The following EFCAB6 variants were observed in gnomAD, a reference collection of about 807,000 sequenced individuals.
The protein encoded by EFCAB6 is EF-hand calcium-binding domain-containing protein 6.
In EFCAB6, 156 loss-of-function variants were observed where a neutral mutation model predicts 169.8. The observed-to-expected ratio is 0.92, with a 90% CI of 0.81 to 1.05. The LOEUF (loss-of-function observed/expected upper bound fraction) is 1.05, where lower values mean the gene tolerates loss of function less well. EFCAB6 is among the 50% of genes least tolerant of loss of function. The pLI is 0.00. For synonymous variants in EFCAB6, 698 were observed against 676.4 expected (o/e 1.03, Z -0.50); for missense variants, 1,800 against 1,829.1 (o/e 0.98, Z 0.29).
chr22:43,686,079 T>C (rs2058184401), intron 11 of EFCAB6, among the ~76,000 whole-genome samples: 1 of 152,056 alleles, frequency 6.6e-6, no homozygotes, highest in South Asian at 2.1e-4. Flanking sequence ...CATCCTGGGT[T>C]CAAGCAATTC....
intron 12 of EFCAB6, 163 bp downstream of exon 12, chr22:43,683,584 A>C: frequency 3.3e-6 from 2 of 606,334 alleles, no homozygotes; most frequent in Non-Finnish European, 5.8e-6. Flanking sequence ...CGGGGCTTCT[A>C]TCCCTAAGTG....
chr22:43,538,490 G>T (rs184390327), intron 28 of EFCAB6, among the ~76,000 whole-genome samples: 21 of 152,252 alleles, frequency 1.4e-4, no homozygotes, highest in Admixed American at 1.4e-3. Context: ...CCAGGTTCAC[G>T]CCATTCTCCT....
At chr22:43,701,745 A>G (rs1603247586) in intron 10 of EFCAB6, among the ~76,000 whole-genome samples, 1 of 150,978 alleles carries the variant, frequency 6.6e-6, no homozygotes, top group Admixed American at 6.6e-5. Context: ...AAAAAAAAGC[A>G]GAGTCACAGA....
Position 43,600,141 on chromosome 22 carries a change from A to G in EFCAB6, c.2804T>C (p.Phe935Ser). The G allele has an allele frequency of 1.2e-6, 2 of 1,614,136 alleles. No individual in the cohort carries two copies. Among genetic ancestry groups the G allele is most frequent in the Non-Finnish European group, 8.5e-7 (1 of 1,180,014 alleles). The change falls in exon 23 of 32, where the codon TTT (phenylalanine) becomes TCT (serine). Residue 935 changes from phenylalanine to serine, a missense_variant. Transcript: ENST00000262726. ...TTCCTGTAGCTGCTGTGGCTTTGTA[A>G]AATGACCCATGAAGTTGAAATAATC... ...AEDYFNFMGHFTKPQQLQEEM... is the reference protein window; with the variant it reads ...AEDYFNFMGHSTKPQQLQEEM...
At chr22:43,811,230 G>C (rs992985079) in intron 1 of EFCAB6, among the ~76,000 whole-genome samples, 2 of 150,266 alleles carry the variant, frequency 1.3e-5, no homozygotes, top group Non-Finnish European at 3.0e-5. Flanking sequence ...CAGTGAGCTG[G>C]GATCGCTGCA....
chr22:43,687,117 G>A (rs1347442960), intron 11 of EFCAB6, among the ~76,000 whole-genome samples: 1 of 152,212 alleles, frequency 6.6e-6, no homozygotes, highest in African/African-American at 2.4e-5. Context: ...AATGTTACAA[G>A]GATATGCTTA....
intron 23 of EFCAB6, among the ~76,000 whole-genome samples, chr22:43,592,540 C>T (rs796105574): frequency 5.3e-5 from 8 of 152,298 alleles, no homozygotes; most frequent in African/African-American, 1.9e-4. Context: ...ATTTCCCTTG[C>T]AGAGTAAATA....
At chr22:43,782,836 AG>A (rs2061874875) in intron 2 of EFCAB6, among the ~76,000 whole-genome samples, 1 of 152,204 alleles carries the variant, frequency 6.6e-6, no homozygotes, top group Admixed American at 6.5e-5. Context: ...AAAGGCTTAC[AG>A]CAATCTGGGG....
chr22:43,661,599 T>C (rs955077448), intron 17 of EFCAB6, among the ~76,000 whole-genome samples: 2 of 152,104 alleles, frequency 1.3e-5, no homozygotes, highest in African/African-American at 2.4e-5. Context: ...CCAGAAAGAA[T>C]AGCGCCCTTC....
At chr22:43,792,576 G>A (rs192461597) in intron 2 of EFCAB6, among the ~76,000 whole-genome samples, 24 of 152,266 alleles carry the variant, frequency 1.6e-4, no homozygotes, top group East Asian at 9.6e-4. Context: ...TTGGGGACTC[G>A]CGGAGTCAAG....
At chr22:43,630,246 G>A (rs1017523285) in intron 19 of EFCAB6, among the ~76,000 whole-genome samples, 1 of 152,264 alleles carries the variant, frequency 6.6e-6, no homozygotes, top group South Asian at 2.1e-4. Flanking sequence ...CACGAGCCCC[G>A]GACATAACCC....
intron 17 of EFCAB6, among the ~76,000 whole-genome samples, chr22:43,648,272 G>C (rs1055400395): frequency 1.3e-5 from 2 of 152,128 alleles, no homozygotes; most frequent in African/African-American, 2.4e-5. Flanking sequence ...AAGCAGAGCT[G>C]AGCTATTCAC....
chr22:43,613,723 C>T (rs1421504552), intron 21 of EFCAB6, among the ~76,000 whole-genome samples: 5 of 152,116 alleles, frequency 3.3e-5, no homozygotes, highest in Non-Finnish European at 5.9e-5. Flanking sequence ...CATGAATTTA[C>T]TTATATAATA....
intron 26 of EFCAB6, among the ~76,000 whole-genome samples, chr22:43,567,030 A>C (rs1244343787): frequency 6.6e-6 from 1 of 151,772 alleles, no homozygotes. Context: ...TGGCTCCTCA[A>C]CTCAAGCTTC....
chr22:43,673,109 T>C (rs904311962), intron 13 of EFCAB6, among the ~76,000 whole-genome samples: 5 of 152,150 alleles, frequency 3.3e-5, no homozygotes, highest in Non-Finnish European at 7.4e-5. Context: ...TATTTTTGTC[T>C]CAAGGTACAT....
chr22:43,686,604 G>A (rs977713053), intron 11 of EFCAB6, among the ~76,000 whole-genome samples: 2 of 150,564 alleles, frequency 1.3e-5, no homozygotes, highest in African/African-American at 4.8e-5. Context: ...AATGAACTCA[G>A]AGGTTGCAGC....
chr22:43,684,068 G>A (rs1295696646), intron 11 of EFCAB6, among the ~76,000 whole-genome samples: 1 of 152,114 alleles, frequency 6.6e-6, no homozygotes, highest in East Asian at 1.9e-4. Context: ...GAGCCTTGCT[G>A]GACCATCTCC....
intron 16 of EFCAB6, 138 bp downstream of exon 16, chr22:43,668,734 T>C: frequency 4.0e-6 from 3 of 755,088 alleles, no homozygotes. Context: ...TGACTCTAAT[T>C]ACTGTCTTTC....
At chr22:43,716,289 G>A (rs1405102773) in intron 9 of EFCAB6, among the ~76,000 whole-genome samples, 1 of 152,110 alleles carries the variant, frequency 6.6e-6, no homozygotes, top group Non-Finnish European at 1.5e-5. Flanking sequence ...ACACTTTATT[G>A]AAATGCTTCA....
Sources: allele counts gnomAD v4.1 joint callset (sites outside exome capture counted in the v4.1 genomes callset), GRCh38; gene constraint gnomAD v4.1.1; transcripts MANE v1.5; gene names NCBI Gene and HGNC (gene_info 2026-07-23, HGNC 2026-07-21).